MITF: variants seen among roughly 807,000 people sequenced by gnomAD.
MITF encodes melanocyte inducing transcription factor, also known as microphthalmia-associated transcription factor.
A neutral mutation model predicts 60.5 loss-of-function variants in MITF; 17 were observed. The ratio of observed to expected loss-of-function variants is 0.28; its 90% CI spans 0.19 to 0.42. The LOEUF (loss-of-function observed/expected upper bound fraction) is 0.42, where lower values mean the gene tolerates loss of function less well. MITF is among the 10% of genes least tolerant of loss of function. The probability of loss-of-function intolerance (pLI) is 1.00; values close to 1 mark genes in which losing one functional copy is unlikely to be tolerated. For synonymous variants in MITF, 260 were observed against 248.5 expected, an observed-to-expected ratio of 1.05 and a Z score of -0.43; for missense variants, 622 against 683.5, an observed-to-expected ratio of 0.91 and a Z score of 1.00.
chr3:69,834,598 A>G (rs112202669), intron 1 of MITF, among the ~76,000 whole-genome samples: 1,529 of 152,272 alleles, frequency 0.01, 17 homozygotes, highest in South Asian at 0.016. Context: ...GGTTGATCAC[A>G]TATCTTGGCT....
At chr3:69,877,202 T>G (rs1396349301) in intron 1 of MITF, among the ~76,000 whole-genome samples, 4 of 152,206 alleles carry the variant, frequency 2.6e-5, no homozygotes, top group African/African-American at 9.6e-5. Context: ...TATTTAACCA[T>G]TCTCATAGTA....
chr3:69,958,882 G>C (rs1439899426), intron 8 of MITF, among the ~76,000 whole-genome samples: 2 of 152,056 alleles, frequency 1.3e-5, no homozygotes, highest in Non-Finnish European at 2.9e-5. Context: ...GTACAAACTG[G>C]GTGGGCAACA....
chr3:69,896,612 A>C (rs1169557192), intron 2 of MITF, among the ~76,000 whole-genome samples: 1 of 152,164 alleles, frequency 6.6e-6, no homozygotes, highest in Admixed American at 6.5e-5. Context: ...GTTTTGAGGG[A>C]TCTGCCCCCA....
At chr3:69,851,371 C>A (rs1330180726) in intron 1 of MITF, among the ~76,000 whole-genome samples, 1 of 152,016 alleles carries the variant, frequency 6.6e-6, no homozygotes, top group Non-Finnish European at 1.5e-5. Flanking sequence ...TGGATAGCAC[C>A]TTTTATTCAT....
intron 1 of MITF, among the ~76,000 whole-genome samples, chr3:69,830,024 G>C (rs1388192180): frequency 1.3e-5 from 2 of 152,132 alleles, no homozygotes; most frequent in South Asian, 4.1e-4. Flanking sequence ...TTCAGCAGGA[G>C]GGACCGTGAT....
chr3:69,897,154 G>A (rs1163580974), intron 2 of MITF, among the ~76,000 whole-genome samples: 7 of 152,154 alleles, frequency 4.6e-5, no homozygotes, highest in African/African-American at 1.7e-4. Flanking sequence ...GCCATCAACA[G>A]CGTGTCTTCA....
rs187531173 is a variant in MITF at position 69,940,412 on chromosome 3, G to C, written c.667-824G>C. On this transcript the variant is annotated intron_variant, in intron 4 of 9. Transcript: ENST00000352241. ...TGTTTATGAAGAAATGTTTTCACAG[G>C]CTTGTCTTTGCAACTGCTGCAATGC... Among the ~76,000 whole-genome samples, 6 of 152,316 alleles carry C rather than the reference G, an allele frequency of 3.9e-5. No homozygotes were observed. In the East Asian group the frequency reaches 1.2e-3, roughly 29 times the overall value.
chr3:69,885,610 C>A (rs1366532305), intron 2 of MITF, among the ~76,000 whole-genome samples: 1 of 152,068 alleles, frequency 6.6e-6, no homozygotes, highest in East Asian at 1.9e-4. Flanking sequence ...GTTTCTAAAC[C>A]TCCAAAGTCC....
At chr3:69,799,159 A>C (rs2062877797) in intron 1 of MITF, among the ~76,000 whole-genome samples, 1 of 152,194 alleles carries the variant, frequency 6.6e-6, no homozygotes, top group Admixed American at 6.5e-5. Context: ...ATATCTGGGC[A>C]ACAATTGAGG....
intron 1 of MITF, among the ~76,000 whole-genome samples, chr3:69,837,235 A>C (rs915846405): frequency 6.6e-6 from 1 of 152,232 alleles, no homozygotes; most frequent in Non-Finnish European, 1.5e-5. Flanking sequence ...ATTCATTAGA[A>C]GGGGAATTTT....
chr3:69,814,817 C>T (rs1322162455), intron 1 of MITF, among the ~76,000 whole-genome samples: 1 of 152,066 alleles, frequency 6.6e-6, no homozygotes, highest in Non-Finnish European at 1.5e-5. Flanking sequence ...CTTGATTCTC[C>T]CGGCAACAAA....
intron 2 of MITF, among the ~76,000 whole-genome samples, chr3:69,908,526 T>A (rs2065150640): frequency 6.6e-6 from 1 of 152,208 alleles, no homozygotes; most frequent in African/African-American, 2.4e-5. Context: ...ATGAAATCAT[T>A]ATTCTTTAAA....
chr3:69,777,844 G>T (rs907287895), intron 1 of MITF, among the ~76,000 whole-genome samples: 1 of 152,096 alleles, frequency 6.6e-6, no homozygotes, highest in Admixed American at 6.6e-5. Context: ...ATAGAATGAA[G>T]TACTTTTTAA....
chr3:69,830,086 G>C (rs111580228), intron 1 of MITF, among the ~76,000 whole-genome samples: 1,596 of 152,232 alleles, frequency 0.01, 33 homozygotes, highest in African/African-American at 0.036. Flanking sequence ...GGATCAGGAA[G>C]GTGTTAAGCC....
At chr3:69,897,877 A>G (rs1244287490) in intron 2 of MITF, among the ~76,000 whole-genome samples, 1 of 152,242 alleles carries the variant, frequency 6.6e-6, no homozygotes, top group Non-Finnish European at 1.5e-5. Context: ...TACCTGAGTC[A>G]CAGCTTGTGC....
At chr3:69,954,349 A>G (rs2066344804) in intron 7 of MITF, among the ~76,000 whole-genome samples, 1 of 152,226 alleles carries the variant, frequency 6.6e-6, no homozygotes, top group African/African-American at 2.4e-5. Flanking sequence ...ATACATGAAT[A>G]TGGGATGGCA....
intron 1 of MITF, among the ~76,000 whole-genome samples, chr3:69,870,453 TGAGACGG>T (rs2064212107): frequency 6.7e-6 from 1 of 149,840 alleles, no homozygotes; most frequent in Non-Finnish European, 1.5e-5. Context: ...TTTTTTTTTT[TGAGACGG>T]AATCTCGCTC....
chr3:69,936,827 TATTGTA>T, intron 2 of MITF: 1 of 1,409,598 alleles, frequency 7.1e-7, no homozygotes, highest in Non-Finnish European at 1.0e-6. Context: ...CACTTTTTGT[TATTGTA>T]ATAGACATAC....
At chr3:69,795,653 GAGGTTGAGGCTGC>G (rs539645479) in intron 1 of MITF, among the ~76,000 whole-genome samples, 44 of 152,284 alleles carry the variant, frequency 2.9e-4, no homozygotes, top group Non-Finnish European at 5.1e-4. Context: ...TTGAGCCTGG[GAGGTTGAGGCTGC>G]AGTGAGCCCT....
Sources: gnomAD v4.1 joint callset for allele counts (sites outside exome capture counted in the v4.1 genomes callset) on GRCh38, gnomAD v4.1.1 for gene constraint, MANE v1.5 for transcripts, NCBI Gene and HGNC (gene_info 2026-07-23, HGNC 2026-07-21) for gene names.